Variants in LARGE1 observed in about 807,000 individuals in gnomAD.
LARGE1 encodes xylosyl- and glucuronyltransferase LARGE1.
In LARGE1, 43 loss-of-function variants were observed where a neutral mutation model predicts 87.6. That is an observed-to-expected ratio of 0.49 (90% CI 0.38 to 0.63). The LOEUF (loss-of-function observed/expected upper bound fraction) is 0.63, where lower values mean the gene tolerates loss of function less well. LARGE1 is among the 30% of genes least tolerant of loss of function. The probability of loss-of-function intolerance (pLI) is 0.00; values close to 1 mark genes in which losing one functional copy is unlikely to be tolerated. For synonymous variants in LARGE1, 434 were observed against 394.6 expected (o/e 1.10, Z -1.18); for missense variants, 802 against 1,000.2 (o/e 0.80, Z 2.67).
the LARGE1 span, among the ~76,000 whole-genome samples, chr22:33,096,722 G>C: frequency 2.6e-5 from 4 of 151,974 alleles, no homozygotes; most frequent in Non-Finnish European, 4.4e-5. Context: ...CCGCCACTGC[G>C]CCCGGCTAAT....
At chr22:33,258,878 C>CT (rs71187256) in intron 11 of LARGE1, among the ~76,000 whole-genome samples, 195 of 142,466 alleles carry the variant, frequency 1.4e-3, no homozygotes, top group East Asian at 4.1e-3. Flanking sequence ...TATGTTTCTT[C>CT]TTTTTTTTTT....
chr22:33,783,407 A>C (rs1196517218), intron 1 of LARGE1, among the ~76,000 whole-genome samples: 1 of 152,176 alleles, frequency 6.6e-6, no homozygotes, highest in Non-Finnish European at 1.5e-5. Context: ...TCTACTAAAA[A>C]TGCAAAAATT....
Position 33,604,524 on chromosome 22 carries a change from A to C in LARGE1, c.526T>G (p.Ser176Ala), listed in dbSNP as rs767685657. 6.2e-6 allele frequency: 10 copies of C among 1,613,916 alleles called. No individual in the cohort carries two copies. The highest frequency in any genetic ancestry group is 8.5e-6 in the Non-Finnish European group (10 of 1,179,990). Reference sequence around the variant, plus strand: ...GTGGCCAGGATCTGCTCCGCAATGGAGTCAGCAATAAGGTGGAAGTGCAGA... The same window carrying C: ...GTGGCCAGGATCTGCTCCGCAATGGCGTCAGCAATAAGGTGGAAGTGCAGA... ...NPLHFHLIAD[S>A]IAEQILATLF... Residue 176 changes from serine (S) to alanine (A), a missense_variant, in exon 5 of 15, where the codon TCC (serine) becomes GCC (alanine). By Grantham distance (99) the Ser-to-Ala change is moderately conservative (BLOSUM62 1). Around this residue, in one of 2 missense-constraint regions of LARGE1, gnomAD observed 625 missense variants for 841.9 expected, o/e 0.74. Transcript: ENST00000397394.
chr22:33,299,289 A>G (rs552241056), intron 12 of LARGE1, among the ~76,000 whole-genome samples: 1 of 150,644 alleles, frequency 6.6e-6, no homozygotes, highest in South Asian at 2.2e-4. Flanking sequence ...AGAGAGAAAG[A>G]AAGGAAGGGA....
intron 5 of LARGE1, among the ~76,000 whole-genome samples, chr22:33,567,069 A>C (rs568118653): frequency 6.6e-6 from 1 of 152,192 alleles, no homozygotes; most frequent in African/African-American, 2.4e-5. Context: ...GATCTCTCTA[A>C]GCCTTGGTTT....
At chr22:33,209,793 G>T (rs1472325992) in intron 11 of LARGE1, among the ~76,000 whole-genome samples, 1 of 152,112 alleles carries the variant, frequency 6.6e-6, no homozygotes, top group Non-Finnish European at 1.5e-5. Flanking sequence ...CTACAGGCGT[G>T]CACCACCAGG....
chr22:33,177,310 A>T (rs1252910683), intron 11 of LARGE1, among the ~76,000 whole-genome samples: 1 of 152,150 alleles, frequency 6.6e-6, no homozygotes, highest in Admixed American at 6.5e-5. Context: ...ATAATAATAA[A>T]AAATTATAAT....
intron 12 of LARGE1, among the ~76,000 whole-genome samples, chr22:33,288,847 C>T (rs1019377850): frequency 6.6e-6 from 1 of 152,182 alleles, no homozygotes; most frequent in Non-Finnish European, 1.5e-5. Context: ...AGACCAGCTC[C>T]AGTCCCTGCC....
At chr22:33,336,085 G>A (rs755714987) in intron 10 of LARGE1, among the ~76,000 whole-genome samples, 4 of 152,222 alleles carry the variant, frequency 2.6e-5, no homozygotes, top group Non-Finnish European at 5.9e-5. Flanking sequence ...AATACTAAGG[G>A]TCAAGGAAAG....
upstream of LARGE1, among the ~76,000 whole-genome samples, chr22:33,921,721 G>T (rs566528930): frequency 6.6e-6 from 1 of 152,156 alleles, no homozygotes; most frequent in South Asian, 2.1e-4. This position sits in a 1 kb window ranked among gnomAD's most constrained non-coding sequence, Gnocchi z 4.1. Context: ...TTTTATTCTC[G>T]CTCTTTCCCT....
chr22:33,900,518 T>G (rs1285294840), intron 1 of LARGE1, among the ~76,000 whole-genome samples: 1 of 152,208 alleles, frequency 6.6e-6, no homozygotes. Context: ...TAACTTGTGT[T>G]TGATCCTTAC....
At chr22:33,435,165 C>T (rs754712298) in intron 6 of LARGE1, among the ~76,000 whole-genome samples, 1 of 152,160 alleles carries the variant, frequency 6.6e-6, no homozygotes, top group African/African-American at 2.4e-5. Context: ...CCATGTCTGG[C>T]TAATTTTTGT....
intron 6 of LARGE1, among the ~76,000 whole-genome samples, chr22:33,470,247 T>C (rs1329643257): frequency 6.6e-6 from 1 of 152,058 alleles, no homozygotes; most frequent in African/African-American, 2.4e-5. Context: ...TCATGACATG[T>C]AATTTACTTA....
intron 12 of LARGE1, among the ~76,000 whole-genome samples, chr22:33,302,958 C>T (rs888895618): frequency 6.6e-6 from 1 of 152,132 alleles, no homozygotes; most frequent in African/African-American, 2.4e-5. Context: ...CTCATGGTAC[C>T]TGGATCTAGG....
chr22:33,262,880 C>T (rs536028858), intron 11 of LARGE1, among the ~76,000 whole-genome samples: 91 of 150,382 alleles, frequency 6.1e-4, no homozygotes, highest in South Asian at 2.8e-3. Flanking sequence ...CCCTCCCCTC[C>T]GCTCGCCTCC....
intron 4 of LARGE1, among the ~76,000 whole-genome samples, chr22:33,613,555 C>G (rs941695717): frequency 6.6e-6 from 1 of 152,216 alleles, no homozygotes; most frequent in East Asian, 1.9e-4. Flanking sequence ...TGCAATGGCG[C>G]GATCTTGGCT....
chr22:33,113,414 T>C, the LARGE1 span, among the ~76,000 whole-genome samples: 1 of 151,910 alleles, frequency 6.6e-6, no homozygotes, highest in Non-Finnish European at 1.5e-5. Flanking sequence ...TCCATGTTGG[T>C]CAGGCTGGTC....
chr22:33,295,209 A>G (rs1933075086), intron 12 of LARGE1, among the ~76,000 whole-genome samples: 1 of 152,180 alleles, frequency 6.6e-6, no homozygotes. Context: ...TCTGAGATGC[A>G]CCATCATTTT....
At chr22:33,890,719 C>T (rs1050398760) in intron 1 of LARGE1, among the ~76,000 whole-genome samples, 1 of 140,552 alleles carries the variant, frequency 7.1e-6, no homozygotes, top group African/African-American at 2.6e-5. Context: ...GGACCATGAG[C>T]TTCGTGATAA....
Sources: allele counts gnomAD v4.1 joint callset (sites outside exome capture counted in the v4.1 genomes callset), GRCh38; gene constraint gnomAD v4.1.1; regional missense constraint gnomAD v4.1.1; non-coding constraint Gnocchi (gnomAD v3.1); transcripts MANE v1.5; gene names NCBI Gene and HGNC (gene_info 2026-07-23, HGNC 2026-07-21).